NDUFAF2: variants seen among roughly 807,000 people sequenced by gnomAD.
NDUFAF2 encodes the protein NADH dehydrogenase [ubiquinone] 1 alpha subcomplex assembly factor 2.
In NDUFAF2, 13 loss-of-function variants were observed where a neutral mutation model predicts 22.8. The ratio of observed to expected loss-of-function variants is 0.57; its 90% CI spans 0.37 to 0.91. The LOEUF (loss-of-function observed/expected upper bound fraction) is 0.91. NDUFAF2 is among the 40% of genes least tolerant of loss of function. The pLI, the probability that NDUFAF2 is intolerant of heterozygous loss-of-function variation, is 0.01. For missense variants in NDUFAF2, 162 were observed against 195.2 expected (o/e 0.83, Z 1.01); for synonymous variants, 53 against 64.2 (o/e 0.83, Z 0.84).
intron 3 of NDUFAF2, chr5:61,116,253 C>G (rs1474958230): frequency 1.3e-5 from 2 of 152,098 alleles, no homozygotes; most frequent in Admixed American, 6.6e-5. Flanking sequence ...CCTAGGAACA[C>G]TAGACATCTG....
At chr5:61,043,723 A>G (rs199751752) in intron 1 of NDUFAF2, among the ~76,000 whole-genome samples, 1 of 135,944 alleles carries the variant, frequency 7.4e-6, no homozygotes, top group Non-Finnish European at 1.7e-5. Flanking sequence ...GTGTGTGTGT[A>G]TCTACATCTA....
chr5:61,008,158 G>A (rs1267513839), intron 1 of NDUFAF2, among the ~76,000 whole-genome samples: 1 of 122,720 alleles, frequency 8.1e-6, no homozygotes, highest in Non-Finnish European at 1.7e-5. Flanking sequence ...GTTGTGGGGT[G>A]GGGGGAGGGG....
intron 2 of NDUFAF2, among the ~76,000 whole-genome samples, chr5:61,089,480 T>C (rs1752541747): frequency 6.6e-6 from 1 of 152,168 alleles, no homozygotes; most frequent in Non-Finnish European, 1.5e-5. Flanking sequence ...TTGTATGTAG[T>C]AGTTGGGAAA....
At chr5:61,152,669 A>G in intron 3 of NDUFAF2, 35 bp from the exon 4 acceptor site, 1 of 1,413,626 alleles carries the variant, frequency 7.1e-7, no homozygotes, top group Non-Finnish European at 9.4e-7. Context: ...TTAACTAGAA[A>G]TTTAATAATT....
At chr5:60,945,404 C>T (rs757568990) in intron 1 of NDUFAF2, 22 bp downstream of exon 1, 47 of 1,614,152 alleles carry the variant, frequency 2.9e-5, no homozygotes, top group Non-Finnish European at 3.7e-5. Context: ...GCGTGGGCAG[C>T]GATTGCGTGG....
At chr5:61,010,932 CTGGCTGGCCTTT>C (rs1367450664) in intron 1 of NDUFAF2, among the ~76,000 whole-genome samples, 3 of 152,098 alleles carry the variant, frequency 2.0e-5, no homozygotes, top group South Asian at 4.2e-4. Context: ...TGTGAATGTG[CTGGCTGGCCTTT>C]TGGCTGGCCT....
chr5:60,977,450 G>A (rs79001981), intron 1 of NDUFAF2, among the ~76,000 whole-genome samples: 2,012 of 152,004 alleles, frequency 0.013, 49 homozygotes, highest in African/African-American at 0.046. Flanking sequence ...TGAAACAAAC[G>A]ACTTTTCCTT....
At chr5:61,079,497 C>G (rs1010819749) in intron 2 of NDUFAF2, among the ~76,000 whole-genome samples, 1 of 152,204 alleles carries the variant, frequency 6.6e-6, no homozygotes, top group African/African-American at 2.4e-5. Flanking sequence ...CTCTAATGCT[C>G]TATGATTCAT....
At chr5:61,107,687 T>G (rs1053188459) in intron 3 of NDUFAF2, among the ~76,000 whole-genome samples, 5 of 150,920 alleles carry the variant, frequency 3.3e-5, no homozygotes, top group African/African-American at 1.2e-4. Context: ...TTATTATACT[T>G]TAAGTTTTAT....
At chr5:61,031,846 T>C (rs1751731831) in intron 1 of NDUFAF2, among the ~76,000 whole-genome samples, 1 of 152,214 alleles carries the variant, frequency 6.6e-6, no homozygotes. Context: ...TCACCAACAG[T>C]GTAAAAGCAT....
intron 1 of NDUFAF2, among the ~76,000 whole-genome samples, chr5:60,975,403 A>C (rs571735662): frequency 6.6e-6 from 1 of 152,184 alleles, no homozygotes; most frequent in South Asian, 2.1e-4. Flanking sequence ...CTAGATATAA[A>C]GGTAAGATCA....
intron 1 of NDUFAF2, among the ~76,000 whole-genome samples, chr5:61,034,819 A>T (rs1751775135): frequency 6.6e-6 from 1 of 152,158 alleles, no homozygotes; most frequent in Admixed American, 6.5e-5. Flanking sequence ...TGAGATATGT[A>T]AAAGTCTCAA....
chr5:60,982,267 A>G (rs536849964), intron 1 of NDUFAF2, among the ~76,000 whole-genome samples: 24 of 152,188 alleles, frequency 1.6e-4, no homozygotes, highest in Non-Finnish European at 2.9e-4. Flanking sequence ...TGGACTTAAC[A>G]GTTCCACATG....
At chr5:61,037,492 T>C (rs1751814617) in intron 1 of NDUFAF2, among the ~76,000 whole-genome samples, 1 of 152,202 alleles carries the variant, frequency 6.6e-6, no homozygotes, top group Non-Finnish European at 1.5e-5. Flanking sequence ...TTTTAAAAAC[T>C]GTCCTAATGT....
chr5:61,024,366 A>G (rs1431228455), intron 1 of NDUFAF2, among the ~76,000 whole-genome samples: 1 of 152,054 alleles, frequency 6.6e-6, no homozygotes, highest in East Asian at 1.9e-4. Context: ...AAATAAGTCA[A>G]ATGTTTAGTT....
At chr5:60,977,310 T>C (rs1750915511) in intron 1 of NDUFAF2, among the ~76,000 whole-genome samples, 1 of 151,980 alleles carries the variant, frequency 6.6e-6, no homozygotes. Flanking sequence ...ACATCTGCAG[T>C]CCTGGCTACT....
At chr5:61,001,894 T>C (rs1256315197) in intron 1 of NDUFAF2, among the ~76,000 whole-genome samples, 1 of 152,064 alleles carries the variant, frequency 6.6e-6, no homozygotes, top group Non-Finnish European at 1.5e-5. Flanking sequence ...GATAAATCCT[T>C]CTTATTTGAC....
intron 1 of NDUFAF2, among the ~76,000 whole-genome samples, chr5:60,973,872 C>T (rs2112574578): frequency 6.6e-6 from 1 of 152,218 alleles, no homozygotes; most frequent in East Asian, 1.9e-4. Flanking sequence ...TGGCATGATC[C>T]TGGCTCACTG....
chr5:61,040,189 A>G (rs1322912023), intron 1 of NDUFAF2, among the ~76,000 whole-genome samples: 1 of 151,114 alleles, frequency 6.6e-6, no homozygotes. Flanking sequence ...TTAAGTTAAG[A>G]TGGGATCAGA....
Sources: gnomAD v4.1 joint callset for allele counts (sites outside exome capture counted in the v4.1 genomes callset) on GRCh38, gnomAD v4.1.1 for gene constraint, MANE v1.5 for transcripts, NCBI Gene and HGNC (gene_info 2026-07-23, HGNC 2026-07-21) for gene names.